MLLT3: variants seen among roughly 807,000 people sequenced by gnomAD.
MLLT3 encodes the protein protein AF-9.
In MLLT3, 4 loss-of-function variants were observed where a neutral mutation model predicts 53.2. That is an observed-to-expected ratio of 0.08 (90% CI 0.04 to 0.17). The LOEUF is 0.17. Ranked by LOEUF, MLLT3 falls within the 10% of genes least tolerant of loss-of-function variation. The probability of loss-of-function intolerance (pLI) is 1.00; values close to 1 mark genes in which losing one functional copy is unlikely to be tolerated. For synonymous variants in MLLT3, 283 were observed against 230.6 expected, an observed-to-expected ratio of 1.23 and a Z score of -2.06; for missense variants, 569 against 684.0, an observed-to-expected ratio of 0.83 and a Z score of 1.87.
intron 2 of MLLT3, among the ~76,000 whole-genome samples, chr9:20,551,352 T>C (rs1392818442): frequency 6.6e-6 from 1 of 152,216 alleles, no homozygotes; most frequent in Non-Finnish European, 1.5e-5. Context: ...CAAAGATCAC[T>C]TTAAAGCACT....
intron 2 of MLLT3, among the ~76,000 whole-genome samples, chr9:20,513,856 A>G (rs1817828994): frequency 6.6e-6 from 1 of 152,360 alleles, no homozygotes; most frequent in Non-Finnish European, 1.5e-5. Context: ...ATAAAATTAT[A>G]AAAATTCACT....
chr9:20,455,831 C>T (rs1823951827), intron 3 of MLLT3, among the ~76,000 whole-genome samples: 1 of 151,408 alleles, frequency 6.6e-6, no homozygotes, highest in African/African-American at 2.4e-5. Flanking sequence ...CTTATCTCCT[C>T]ATTTCATAAA....
chr9:20,599,246 G>A (rs1820354021), intron 2 of MLLT3, among the ~76,000 whole-genome samples: 1 of 151,138 alleles, frequency 6.6e-6, no homozygotes, highest in Non-Finnish European at 1.5e-5. Context: ...GGAGGTTGCA[G>A]TGAGCCAAGA....
Position 20,538,225 on chromosome 9 carries a change from T to C in MLLT3, c.194-81439A>G, listed in dbSNP as rs117095780. 6.1e-4 allele frequency among the ~76,000 whole-genome samples: 93 copies of C among 152,340 alleles called. No individual in the cohort carries two copies. The East Asian group carries it at 0.016, about 26-fold the overall frequency. On this transcript the variant is annotated intron_variant, in intron 2 of 10. Transcript: ENST00000380338. Reference sequence around the variant, plus strand: ...AAATATACCACATTGAAATAGCACTTAATGAGTGCCAAGCACTGTGTTTAA... The same window carrying C: ...AAATATACCACATTGAAATAGCACTCAATGAGTGCCAAGCACTGTGTTTAA...
At chr9:20,549,876 GA>G (rs1818884965) in intron 2 of MLLT3, among the ~76,000 whole-genome samples, 1 of 152,196 alleles carries the variant, frequency 6.6e-6, no homozygotes, top group Non-Finnish European at 1.5e-5. Flanking sequence ...CATGCGTGCA[GA>G]AAATCTAGTT....
intron 5 of MLLT3, among the ~76,000 whole-genome samples, chr9:20,406,890 A>G (rs1261606178): frequency 6.6e-6 from 1 of 152,210 alleles, no homozygotes; most frequent in African/African-American, 2.4e-5. Context: ...ATATCACTGC[A>G]CAATCACCTT....
At chr9:20,528,704 T>C (rs1415707446) in intron 2 of MLLT3, among the ~76,000 whole-genome samples, 2 of 152,238 alleles carry the variant, frequency 1.3e-5, no homozygotes, top group African/African-American at 2.4e-5. Context: ...TTCACTAGGA[T>C]ACTTAAGATG....
At chr9:20,606,859 T>C (rs553437579) in intron 2 of MLLT3, among the ~76,000 whole-genome samples, 3 of 152,278 alleles carry the variant, frequency 2.0e-5, no homozygotes, top group Middle Eastern at 3.4e-3. Context: ...TCTCTTGCTA[T>C]TGAATTTCAA....
intron 2 of MLLT3, among the ~76,000 whole-genome samples, chr9:20,604,448 A>T (rs1820513738): frequency 6.6e-6 from 1 of 152,112 alleles, no homozygotes; most frequent in Admixed American, 6.6e-5. Flanking sequence ...AAGTTTTTAA[A>T]TCTGTCCCAA....
At chr9:20,429,889 T>C (rs763747846) in intron 4 of MLLT3, among the ~76,000 whole-genome samples, 10 of 152,184 alleles carry the variant, frequency 6.6e-5, no homozygotes, top group African/African-American at 1.2e-4. Flanking sequence ...CAGTTTTTAC[T>C]GGTATTCCTA....
intron 4 of MLLT3, among the ~76,000 whole-genome samples, chr9:20,425,747 T>C (rs572017971): frequency 1.3e-5 from 2 of 152,108 alleles, no homozygotes; most frequent in African/African-American, 4.8e-5. Flanking sequence ...AATCTACAAA[T>C]TATATTTATA....
chr9:20,451,314 T>C (rs1352985579), intron 3 of MLLT3, among the ~76,000 whole-genome samples: 2 of 152,194 alleles, frequency 1.3e-5, no homozygotes, highest in Non-Finnish European at 2.9e-5. Flanking sequence ...CATATACTTT[T>C]ACTAGGAAAA....
intron 2 of MLLT3, among the ~76,000 whole-genome samples, chr9:20,618,958 C>T (rs1333007393): frequency 2.6e-5 from 4 of 152,094 alleles, no homozygotes; most frequent in Admixed American, 6.5e-5. Flanking sequence ...TTTTTAAAAG[C>T]TTATTTCACC....
intron 2 of MLLT3, among the ~76,000 whole-genome samples, chr9:20,573,809 A>G (rs941845394): frequency 3.3e-5 from 5 of 152,212 alleles, no homozygotes; most frequent in Non-Finnish European, 7.3e-5. Flanking sequence ...TACATAAACC[A>G]TCTATTGCAT....
chr9:20,520,662 C>G (rs1313030380), intron 2 of MLLT3, among the ~76,000 whole-genome samples: 1 of 152,160 alleles, frequency 6.6e-6, no homozygotes, highest in Non-Finnish European at 1.5e-5. Context: ...GACTGGGAGA[C>G]AGTACAGACT....
chr9:20,391,809 T>A (rs992997429), intron 5 of MLLT3, among the ~76,000 whole-genome samples: 1 of 152,218 alleles, frequency 6.6e-6, no homozygotes, highest in African/African-American at 2.4e-5. Context: ...AGAAGGAAGA[T>A]GTGTATGTGA....
At chr9:20,387,468 T>A (rs1449163201) in intron 5 of MLLT3, among the ~76,000 whole-genome samples, 1 of 152,202 alleles carries the variant, frequency 6.6e-6, no homozygotes, top group African/African-American at 2.4e-5. Flanking sequence ...TTTTTTGTTT[T>A]TGCGGTCGTG....
chr9:20,369,649 T>C (rs1236880711), intron 5 of MLLT3, among the ~76,000 whole-genome samples: 1 of 152,158 alleles, frequency 6.6e-6, no homozygotes, highest in East Asian at 1.9e-4. Context: ...ACCAACAGAA[T>C]TGCAGTTCAC....
At chr9:20,355,629 G>T (rs1483666884) in intron 8 of MLLT3, among the ~76,000 whole-genome samples, 1 of 152,148 alleles carries the variant, frequency 6.6e-6, no homozygotes, top group Non-Finnish European at 1.5e-5. Flanking sequence ...AGGATTAAAA[G>T]GGAAGTATTT....
Sources: gnomAD v4.1 joint callset for allele counts (sites outside exome capture counted in the v4.1 genomes callset) on GRCh38, gnomAD v4.1.1 for gene constraint, MANE v1.5 for transcripts, NCBI Gene and HGNC (gene_info 2026-07-23, HGNC 2026-07-21) for gene names.